ZNF536: variants seen among roughly 807,000 people sequenced by gnomAD.
ZNF536 encodes the protein zinc finger protein 536.
A neutral mutation model predicts 84.5 loss-of-function variants in ZNF536; 13 were observed. The ratio of observed to expected loss-of-function variants is 0.15; its 90% confidence interval spans 0.10 to 0.24. The LOEUF (loss-of-function observed/expected upper bound fraction) is 0.24, where lower values mean the gene tolerates loss of function less well. Among genes scored for constraint, ZNF536 ranks in the 10% least tolerant of loss-of-function variants. The pLI, the probability that ZNF536 is intolerant of heterozygous loss-of-function variation, is 1.00. For missense variants in ZNF536, 1,536 were observed against 1,747.5 expected (o/e 0.88, Z 2.16); for synonymous variants, 811 against 742.5 (o/e 1.09, Z -1.50).
chr19:30,355,486 C>T (rs1600358163), intron 3 of ZNF536, among the ~76,000 whole-genome samples: 1 of 152,246 alleles, frequency 6.6e-6, no homozygotes, highest in Middle Eastern at 3.4e-3. Flanking sequence ...CTCCTGGGCT[C>T]ATGCGATCCC....
At chr19:30,703,144 G>T (rs541794070) in intron 1 of ZNF536, among the ~76,000 whole-genome samples, 1 of 152,186 alleles carries the variant, frequency 6.6e-6, no homozygotes, top group Non-Finnish European at 1.5e-5. Context: ...GTAGGGGCAG[G>T]CAGAGTCCAG....
intron 1 of ZNF536, among the ~76,000 whole-genome samples, chr19:30,576,291 G>A (rs998786820): frequency 4.6e-5 from 7 of 152,080 alleles, no homozygotes; most frequent in South Asian, 2.1e-4. Context: ...TCCTTGTTCC[G>A]GTGTCAGTGA....
At chr19:30,366,879 C>T (rs1269658812) in intron 3 of ZNF536, among the ~76,000 whole-genome samples, 1 of 152,204 alleles carries the variant, frequency 6.6e-6, no homozygotes, top group Non-Finnish European at 1.5e-5. Context: ...ACAGGGGGAT[C>T]TGAAGCTGAG....
chr19:30,316,958 G>A (rs777724613), intron 2 of ZNF536, among the ~76,000 whole-genome samples: 2 of 152,176 alleles, frequency 1.3e-5, no homozygotes, highest in Non-Finnish European at 2.9e-5. Context: ...TGGGGAGGGG[G>A]ACACAGCTTG....
At chr19:30,486,677 A>G (rs2054313511) in intron 2 of ZNF536, among the ~76,000 whole-genome samples, 1 of 152,216 alleles carries the variant, frequency 6.6e-6, no homozygotes, top group African/African-American at 2.4e-5. Flanking sequence ...GATTCTCCAC[A>G]CTGACTTCCT....
intron 2 of ZNF536, among the ~76,000 whole-genome samples, chr19:30,496,259 C>G (rs2054714361): frequency 6.6e-6 from 1 of 152,170 alleles, no homozygotes; most frequent in South Asian, 2.1e-4. Context: ...CTGGAATACC[C>G]TCTGAGTTCT....
intron 1 of ZNF536, among the ~76,000 whole-genome samples, chr19:30,379,806 G>A (rs571419042): frequency 1.6e-4 from 25 of 152,230 alleles, no homozygotes; most frequent in Admixed American, 3.3e-4. Flanking sequence ...AAGCCACCAA[G>A]GCATGCCTGG....
At chr19:30,281,506 C>T (rs1322680889) in intron 1 of ZNF536, among the ~76,000 whole-genome samples, 1 of 120,780 alleles carries the variant, frequency 8.3e-6, no homozygotes, top group Non-Finnish European at 1.8e-5. Context: ...GACCTTCACA[C>T]GATGGGTGGT....
intron 1 of ZNF536, among the ~76,000 whole-genome samples, chr19:30,609,899 C>T (rs1476698054): frequency 8.4e-4 from 18 of 21,440 alleles, no homozygotes; most frequent in Admixed American, 2.0e-3. Flanking sequence ...CCCATTTATC[C>T]ATCCATCCAT....
intron 1 of ZNF536, among the ~76,000 whole-genome samples, chr19:30,668,029 C>T (rs931810868): frequency 3.8e-4 from 58 of 152,034 alleles, no homozygotes; most frequent in African/African-American, 1.4e-3. Flanking sequence ...GGAATTCTAT[C>T]GAAATGGCAT....
At chr19:30,572,479 C>T (rs901751237) in intron 1 of ZNF536, among the ~76,000 whole-genome samples, 10 of 152,180 alleles carry the variant, frequency 6.6e-5, no homozygotes, top group Middle Eastern at 3.2e-3. Context: ...CTAACCTCAC[C>T]TGCCATCCAG....
intron 3 of ZNF536, among the ~76,000 whole-genome samples, chr19:30,542,931 C>A (rs1052185280): frequency 6.6e-6 from 1 of 152,142 alleles, no homozygotes; most frequent in Non-Finnish European, 1.5e-5. Flanking sequence ...CCTGCCTCAG[C>A]CTCCCAAGTA....
chr19:30,688,907 A>G (rs975834007), intron 1 of ZNF536, among the ~76,000 whole-genome samples: 1 of 152,118 alleles, frequency 6.6e-6, no homozygotes, highest in African/African-American at 2.4e-5. Context: ...CCTCCTGGGG[A>G]CTGGCTGCAG....
intron 1 of ZNF536, among the ~76,000 whole-genome samples, chr19:30,375,880 C>CGT (rs745449576): frequency 2.0e-5 from 3 of 151,802 alleles, no homozygotes; most frequent in Non-Finnish European, 4.4e-5. Flanking sequence ...CGTGTGTGTG[C>CGT]GTGTGTGTGT....
At chr19:30,656,646 C>T (rs1369718557) in intron 1 of ZNF536, among the ~76,000 whole-genome samples, 1 of 152,242 alleles carries the variant, frequency 6.6e-6, no homozygotes, top group African/African-American at 2.4e-5. Context: ...CATCTGCTCT[C>T]TGGTCTGTGA....
intron 3 of ZNF536, among the ~76,000 whole-genome samples, chr19:30,541,687 G>C (rs2146054049): frequency 6.6e-6 from 1 of 152,336 alleles, no homozygotes; most frequent in Middle Eastern, 3.4e-3. Context: ...TTTCTAGGTA[G>C]CTAACAATGT....
chr19:30,296,977 C>T (rs1401382336), intron 2 of ZNF536, among the ~76,000 whole-genome samples: 1 of 152,164 alleles, frequency 6.6e-6, no homozygotes, highest in Non-Finnish European at 1.5e-5. Context: ...GTAAAACTTC[C>T]AGAAGAAAAG....
At chr19:30,303,218 T>C (rs947204737) in intron 2 of ZNF536, among the ~76,000 whole-genome samples, 11 of 152,298 alleles carry the variant, frequency 7.2e-5, no homozygotes, top group Admixed American at 5.9e-4. Context: ...TCTCCACTGC[T>C]ATACACCTGC....
chr19:30,673,925 C>A (rs150396766), intron 1 of ZNF536, among the ~76,000 whole-genome samples: 214 of 152,252 alleles, frequency 1.4e-3, no homozygotes, highest in African/African-American at 4.8e-3. Context: ...ATACACATTC[C>A]AACATTTAGA....
Sources: allele counts gnomAD v4.1 joint callset (sites outside exome capture counted in the v4.1 genomes callset), GRCh38; gene constraint gnomAD v4.1.1; transcripts MANE v1.5; gene names NCBI Gene and HGNC (gene_info 2026-07-23, HGNC 2026-07-21).